DGKB: variants seen among roughly 807,000 people sequenced by gnomAD.
DGKB encodes the protein 90 kDa diacylglycerol kinase.
DGKB carries 67 observed loss-of-function variants against 114.3 expected under a neutral mutation model. That is an observed-to-expected ratio of 0.59 (90% CI 0.48 to 0.72). The LOEUF is 0.72. DGKB is among the 30% of genes least tolerant of loss of function. DGKB has a pLI of 0.00. For missense variants in DGKB, 907 were observed against 975.2 expected, an observed-to-expected ratio of 0.93 and a Z score of 0.93; for synonymous variants, 398 against 323.1, an observed-to-expected ratio of 1.23 and a Z score of -2.49.
chr7:14,826,257 C>T (rs547318295), intron 2 of DGKB, among the ~76,000 whole-genome samples: 6 of 152,182 alleles, frequency 3.9e-5, no homozygotes, highest in Non-Finnish European at 8.8e-5. Flanking sequence ...CTAATTATTC[C>T]GTGGGACTCT....
rs185895731 is a variant in DGKB at position 14,842,526 on chromosome 7, C to T, written c.-187-1076G>A. 2.6e-5 allele frequency among the ~76,000 whole-genome samples: 4 copies of T among 152,292 alleles called. No homozygotes were observed. The East Asian group carries it at 7.7e-4, about 29-fold the overall frequency. On this transcript the variant is annotated intron_variant, in intron 1 of 25. Transcript: ENST00000402815. ...TTCTCTTTTCTCTCCCAAGGGCAACCATGGGTTTGGGGAAGCAACACAAGT... is the reference window on the plus strand; with the variant it reads ...TTCTCTTTTCTCTCCCAAGGGCAACTATGGGTTTGGGGAAGCAACACAAGT...
intron 14 of DGKB, among the ~76,000 whole-genome samples, chr7:14,626,600 T>C (rs1390669632): frequency 6.6e-6 from 1 of 152,192 alleles, no homozygotes. Flanking sequence ...ACTAACAAAC[T>C]GCAAAGCTGC....
intron 21 of DGKB, among the ~76,000 whole-genome samples, chr7:14,351,757 T>A (rs1288256542): frequency 6.6e-6 from 1 of 152,174 alleles, no homozygotes; most frequent in Non-Finnish European, 1.5e-5. Context: ...TGTAGAAACT[T>A]GAAACTACAA....
At chr7:14,866,153 C>A (rs114514861) in intron 1 of DGKB, among the ~76,000 whole-genome samples, 3 of 152,040 alleles carry the variant, frequency 2.0e-5, no homozygotes, top group Non-Finnish European at 4.4e-5. Flanking sequence ...GAGGAAGGTA[C>A]GGCGATTTTT....
chr7:14,503,985 T>C (rs1486321577), intron 20 of DGKB, among the ~76,000 whole-genome samples: 1 of 152,198 alleles, frequency 6.6e-6, no homozygotes, highest in Non-Finnish European at 1.5e-5. Flanking sequence ...ATGTACTGTG[T>C]AAGCACTAAA....
At chr7:14,392,635 G>A (rs1214140311) in intron 21 of DGKB, among the ~76,000 whole-genome samples, 1 of 152,172 alleles carries the variant, frequency 6.6e-6, no homozygotes, top group Non-Finnish European at 1.5e-5. Flanking sequence ...GGCATTGACA[G>A]AATGAATTAA....
chr7:14,539,594 A>C (rs1054064427), intron 20 of DGKB, among the ~76,000 whole-genome samples: 2 of 152,152 alleles, frequency 1.3e-5, no homozygotes, highest in African/African-American at 2.4e-5. Flanking sequence ...AGGGTTTTTA[A>C]AAATCTCATT....
chr7:14,943,173 T>A (rs1199165838), intron 1 of DGKB, among the ~76,000 whole-genome samples: 1 of 151,984 alleles, frequency 6.6e-6, no homozygotes, highest in African/African-American at 2.4e-5. Flanking sequence ...TGAGATATAT[T>A]TAAACCTGTC....
At chr7:14,874,614 T>C (rs1475047262) in intron 1 of DGKB, among the ~76,000 whole-genome samples, 1 of 151,970 alleles carries the variant, frequency 6.6e-6, no homozygotes, top group African/African-American at 2.4e-5. Flanking sequence ...TATCTATATA[T>C]AAATGGGGTA....
intron 21 of DGKB, among the ~76,000 whole-genome samples, chr7:14,378,974 A>G (rs1244571294): frequency 6.6e-6 from 1 of 152,150 alleles, no homozygotes; most frequent in Non-Finnish European, 1.5e-5. Context: ...GGATAGGAGG[A>G]AATTTTGATT....
At chr7:14,552,898 G>T (rs1456158349) in intron 20 of DGKB, among the ~76,000 whole-genome samples, 1 of 152,178 alleles carries the variant, frequency 6.6e-6, no homozygotes. Flanking sequence ...GCGTTGTTAT[G>T]GACCGGGAAA....
rs557757543 is a variant in DGKB, at chr7:14,828,495, C to T, written c.70+12699G>A. Among the ~76,000 whole-genome samples the T allele has an allele frequency of 3.3e-5, 5 of 152,148 alleles. No individual in the cohort carries two copies. In the South Asian group the frequency reaches 1.0e-3, roughly 32 times the overall value. ...CAATCCTCACCTTCACGGGAAGGGG[C>T]GTAACAACATGGGCAAGCTCATGAA... On this transcript the variant is annotated intron_variant, in intron 2 of 25. Coordinates refer to ENST00000402815, the MANE Select transcript of DGKB (RefSeq NM_001350709.2).
At chr7:14,383,453 G>A (rs181134084) in intron 21 of DGKB, among the ~76,000 whole-genome samples, 79 of 152,222 alleles carry the variant, frequency 5.2e-4, no homozygotes, top group African/African-American at 1.2e-3. Context: ...GAAAACAGAC[G>A]TCTATTATTT....
chr7:14,685,868 C>A (rs946731507), intron 9 of DGKB, among the ~76,000 whole-genome samples: 3 of 152,042 alleles, frequency 2.0e-5, no homozygotes, highest in Non-Finnish European at 2.9e-5. Context: ...GGATGGAAAA[C>A]TAATACTAAA....
At chr7:14,648,559 A>T (rs1813684225) in intron 13 of DGKB, among the ~76,000 whole-genome samples, 1 of 152,194 alleles carries the variant, frequency 6.6e-6, no homozygotes, top group Non-Finnish European at 1.5e-5. Flanking sequence ...ACAGAACAGG[A>T]AAACTGGAAA....
At chr7:14,678,955 G>T (rs745685996) in intron 12 of DGKB, among the ~76,000 whole-genome samples, 2 of 151,968 alleles carry the variant, frequency 1.3e-5, no homozygotes, top group Non-Finnish European at 2.9e-5. Context: ...TTTTTCCAGT[G>T]ACTGGAAGCA....
intron 1 of DGKB, among the ~76,000 whole-genome samples, chr7:14,948,813 A>G (rs1379061185): frequency 6.6e-6 from 1 of 151,936 alleles, no homozygotes; most frequent in East Asian, 1.9e-4. Context: ...ACTTCTCAAC[A>G]GCAAAAAGGG....
chr7:14,546,237 AT>A (rs888750261), intron 20 of DGKB, among the ~76,000 whole-genome samples: 12 of 150,562 alleles, frequency 8.0e-5, no homozygotes, highest in South Asian at 2.1e-4. Flanking sequence ...TTCTTTTTTA[AT>A]TTTTTTTTTC....
intron 20 of DGKB, among the ~76,000 whole-genome samples, chr7:14,513,079 C>G (rs1788227244): frequency 6.6e-6 from 1 of 152,020 alleles, no homozygotes; most frequent in African/African-American, 2.4e-5. Flanking sequence ...TATATAATTT[C>G]TGTAATGAAT....
Sources: gnomAD v4.1 joint callset for allele counts (sites outside exome capture counted in the v4.1 genomes callset) on GRCh38, gnomAD v4.1.1 for gene constraint, MANE v1.5 for transcripts, NCBI Gene and HGNC (gene_info 2026-07-23, HGNC 2026-07-21) for gene names.